ODF2L: variants seen among roughly 807,000 people sequenced by gnomAD.
ODF2L encodes protein BCAP.
Under a neutral mutation model 86.3 loss-of-function variants are expected in ODF2L, and 76 were observed. That is an observed-to-expected ratio of 0.88 (90% CI 0.73 to 1.07). The LOEUF (loss-of-function observed/expected upper bound fraction) is 1.07. Ranked by LOEUF, ODF2L falls within the 50% of genes least tolerant of loss-of-function variation. The pLI is 0.00. For synonymous variants in ODF2L, 241 were observed against 231.3 expected, an observed-to-expected ratio of 1.04 and a Z score of -0.38; for missense variants, 748 against 717.4, an observed-to-expected ratio of 1.04 and a Z score of -0.49.
chr1:86,383,104 T>C (rs1273673728), intron 5 of ODF2L, 30 bp downstream of exon 5: 6 of 1,438,568 alleles, frequency 4.2e-6, no homozygotes, highest in Non-Finnish European at 5.8e-6. Context: ...ACAGGAAGAA[T>C]GGACACAAAG....
At chr1:86,365,947 TAAGAA>T (rs976729339) in intron 11 of ODF2L, among the ~76,000 whole-genome samples, 3 of 152,088 alleles carry the variant, frequency 2.0e-5, no homozygotes, top group African/African-American at 7.2e-5. Context: ...AAAACAAAGA[TAAGAA>T]AAGTCCTTCT....
At chr1:86,385,495 A>G in exon 3 of ODF2L, 1 of 1,598,540 alleles carries the variant, frequency 6.3e-7, no homozygotes, top group Non-Finnish European at 8.6e-7. Context: ...GTCCTTAAAT[A>G]GTGGCAAAAG....
At position 86,358,849 on chromosome 1, in the gene ODF2L, A is replaced by C. The variant is rs756279005; in HGVS notation, c.1297T>G (p.Cys433Gly). 4 of 1,551,088 alleles carry C rather than the reference A, an allele frequency of 2.6e-6. No homozygotes were observed. The African/African-American group carries it at 5.5e-5, about 21-fold the overall frequency. Residue 433 changes from cysteine (C) to glycine (G), a missense_variant, in exon 13 of 18, where the codon TGT becomes GGT. Physicochemically the swap from Cys to Gly is radical, Grantham distance 159. Coordinates refer to ENST00000317336, the Ensembl canonical transcript of ODF2L. ...TTATTTTTATGTAGCAAATTTTCAC[A>C]TCTGCTTTTTACTATTTCAGCTGCT...
chr1:86,358,639 T>A, intron 13 of ODF2L, 148 bp downstream of exon 12: 1 of 350,790 alleles, frequency 2.9e-6, no homozygotes, highest in Non-Finnish European at 5.2e-6. Context: ...AGAAACATTA[T>A]TTCCTTGGAA....
At chr1:86,382,245 T>C in exon 7 of ODF2L, 1 of 1,608,204 alleles carries the variant, frequency 6.2e-7, no homozygotes, top group South Asian at 1.1e-5. Flanking sequence ...ATATAACCTT[T>C]ACATATTCTT....
rs759068555 is a variant in ODF2L at position 86,385,564 on chromosome 1, TTTTCA to T, written c.135_139del (p.Asn45LysfsTer3). 14 of 1,611,472 alleles carry T rather than the reference TTTTCA, an allele frequency of 8.7e-6. No homozygotes were observed. In the South Asian group the frequency reaches 1.4e-4, roughly 16 times the overall value. ...CTTAAGTGTTGCTTCCAATTCAGTC[TTTTCA>T]TTTAGAATGTCCTGCTTCAGGCTAA... On this transcript the variant is annotated frameshift_variant, in exon 3 of 18. Coordinates refer to ENST00000317336, the Ensembl canonical transcript of ODF2L. LOFTEE classifies it high-confidence loss of function.
Position 86,383,124 on chromosome 1 carries a change from A to C in ODF2L, c.435+10T>G, listed in dbSNP as rs781498434. 2.0e-6 allele frequency: 3 copies of C among 1,530,318 alleles called. No homozygotes were observed. In the Admixed American group the frequency reaches 5.3e-5, roughly 27 times the overall value. The allele number at this position is 1,530,318 out of a possible 1,614,324, so 94.8% of individuals were successfully genotyped here. On this transcript the variant is annotated intron_variant, in intron 5 of 17. Transcript: ENST00000317336. Reference sequence around the variant, plus strand: ...AAGAATGGACACAAAGTAAGTGTGGAAAGACTTACAGTATTTTCACTTTCA... The same window carrying C: ...AAGAATGGACACAAAGTAAGTGTGGCAAGACTTACAGTATTTTCACTTTCA...
intron 1 of ODF2L, among the ~76,000 whole-genome samples, chr1:86,393,384 GAAA>G (rs71741271): frequency 7.1e-6 from 1 of 140,514 alleles, no homozygotes; most frequent in African/African-American, 2.6e-5. Flanking sequence ...GTAATTGTAT[GAAA>G]AAAAAAAAAA....
At chr1:86,374,657 T>C (rs2101077652) in intron 8 of ODF2L, among the ~76,000 whole-genome samples, 1 of 152,298 alleles carries the variant, frequency 6.6e-6, no homozygotes, top group Non-Finnish European at 1.5e-5. Context: ...CCTTATAACA[T>C]GCAGATAAAG....
At chr1:86,380,694 TTTTC>T (rs1415476285) in intron 7 of ODF2L, among the ~76,000 whole-genome samples, 2 of 152,134 alleles carry the variant, frequency 1.3e-5, no homozygotes, top group African/African-American at 4.8e-5. Context: ...ATTATCTTCT[TTTTC>T]TATCTCCAAA....
downstream of ODF2L, chr1:86,349,746 A>C (rs1470242702): frequency 6.6e-6 from 1 of 152,232 alleles, no homozygotes; most frequent in Non-Finnish European, 1.5e-5. Flanking sequence ...CTTCAAAGAC[A>C]TTTCAGGCTT....
chr1:86,363,369 C>T (rs1242859635), intron 11 of ODF2L, among the ~76,000 whole-genome samples: 1 of 151,986 alleles, frequency 6.6e-6, no homozygotes, highest in Non-Finnish European at 1.5e-5. Context: ...TTGAAAGCCT[C>T]GAGCACATAG....
At chr1:86,375,547 AATT>A (rs897288603) in intron 8 of ODF2L, among the ~76,000 whole-genome samples, 5 of 152,166 alleles carry the variant, frequency 3.3e-5, no homozygotes, top group African/African-American at 1.2e-4. Flanking sequence ...TTTTTAAAAA[AATT>A]ATTAATTAGT....
At chr1:86,392,720 G>C (rs578076252) in intron 1 of ODF2L, among the ~76,000 whole-genome samples, 1 of 152,134 alleles carries the variant, frequency 6.6e-6, no homozygotes, top group Non-Finnish European at 1.5e-5. Flanking sequence ...AGTGTACACT[G>C]CTCAGGGATG....
At chr1:86,356,830 T>C (rs1435653986) in intron 13 of ODF2L, among the ~76,000 whole-genome samples, 2 of 152,164 alleles carry the variant, frequency 1.3e-5, no homozygotes, top group Non-Finnish European at 2.9e-5. Context: ...ATAGGGTAAA[T>C]TAGCTGACAG....
At chr1:86,348,821 C>T, downstream of ODF2L, 4 of 1,563,320 alleles carry the variant, frequency 2.6e-6, no homozygotes, top group Non-Finnish European at 1.7e-6. Flanking sequence ...TTTTGATTTT[C>T]CGACTTCTCA....
intron 8 of ODF2L, among the ~76,000 whole-genome samples, chr1:86,373,536 CTA>C (rs1659957581): frequency 6.7e-6 from 1 of 149,674 alleles, no homozygotes. Context: ...TATAACTACT[CTA>C]TATATATGGT....
At chr1:86,382,144 T>C in intron 7 of ODF2L, 98 bp downstream of exon 7, 1 of 1,390,026 alleles carries the variant, frequency 7.2e-7, no homozygotes, top group Non-Finnish European at 9.4e-7. Flanking sequence ...CAACTGTGTA[T>C]TTTAAAACCA....
chr1:86,353,816 G>A lies in ODF2L; in HGVS notation c.1767+714C>T, dbSNP rs145687336. ...GACAAACATTGACGCCCTTGGCGCCGTCCCCTCAGTGTGGGCAATGGTAAC... is the reference window on the plus strand; with the variant it reads ...GACAAACATTGACGCCCTTGGCGCCATCCCCTCAGTGTGGGCAATGGTAAC... On this transcript the variant is annotated intron_variant, in intron 16 of 17. Transcript: ENST00000317336. Among the ~76,000 whole-genome samples the A allele has an allele frequency of 6.7e-3, 1,015 of 152,304 alleles. 7 individuals carry two copies. Among genetic ancestry groups the A allele is most frequent in the Non-Finnish European group, 8.0e-3 (545 of 68,028 alleles).
Sources: gnomAD v4.1 joint callset for allele counts (sites outside exome capture counted in the v4.1 genomes callset) on GRCh38, gnomAD v4.1.1 for gene constraint, MANE v1.5 for transcripts, NCBI Gene and HGNC (gene_info 2026-07-23, HGNC 2026-07-21) for gene names.